TNS3: variants seen among roughly 807,000 people sequenced by gnomAD.
The protein encoded by TNS3 is tensin-3.
In TNS3, 45 loss-of-function variants were observed where a neutral mutation model predicts 140.9. That is an observed-to-expected ratio of 0.32 (90% CI 0.25 to 0.41). The LOEUF is 0.41. Ranked by LOEUF, TNS3 falls within the 10% of genes least tolerant of loss-of-function variation. The pLI is 1.00. For synonymous variants in TNS3, 815 were observed against 788.4 expected (o/e 1.03, Z -0.56); for missense variants, 1,716 against 1,906.7 (o/e 0.90, Z 1.86).
intron 20 of TNS3, among the ~76,000 whole-genome samples, chr7:47,313,754 C>T (rs972437120): frequency 4.6e-5 from 7 of 152,194 alleles, no homozygotes; most frequent in Non-Finnish European, 8.8e-5. Context: ...GGGAATTTCA[C>T]CAAATGAGAA....
intron 1 of TNS3, among the ~76,000 whole-genome samples, chr7:47,537,564 G>T (rs1799648535): frequency 6.6e-6 from 1 of 152,116 alleles, no homozygotes; most frequent in South Asian, 2.1e-4. Context: ...CGCGCTTGGC[G>T]CAGGGTTCAG....
chr7:47,297,022 A>G, intron 24 of TNS3, 60 bp downstream of exon 24: 1 of 1,568,946 alleles, frequency 6.4e-7, no homozygotes, highest in Non-Finnish European at 8.6e-7. Context: ...GCCTAAAAAT[A>G]AACCAACAGA....
intron 1 of TNS3, among the ~76,000 whole-genome samples, chr7:47,567,942 G>A (rs1468104894): frequency 6.6e-6 from 1 of 151,998 alleles, no homozygotes; most frequent in Non-Finnish European, 1.5e-5. Context: ...TCTGCCAGTC[G>A]CCCCCTAAAA....
chr7:47,562,065 G>A (rs1254675962), intron 1 of TNS3, among the ~76,000 whole-genome samples: 2 of 152,256 alleles, frequency 1.3e-5, no homozygotes, highest in Non-Finnish European at 1.5e-5. Context: ...AAGGTGGCAA[G>A]TAATTGAAGC....
intron 7 of TNS3, among the ~76,000 whole-genome samples, chr7:47,436,018 G>T (rs1478067208): frequency 6.6e-6 from 1 of 152,194 alleles, no homozygotes; most frequent in Non-Finnish European, 1.5e-5. Flanking sequence ...CCACACGGGG[G>T]TGTTGCTTTT....
chr7:47,322,979 C>G (rs1459881959), intron 20 of TNS3, among the ~76,000 whole-genome samples: 1 of 152,142 alleles, frequency 6.6e-6, no homozygotes, highest in Non-Finnish European at 1.5e-5. Context: ...CATAGGAGGC[C>G]AGCAGGGAGG....
At chr7:47,552,209 A>G (rs1220957005) in intron 1 of TNS3, among the ~76,000 whole-genome samples, 1 of 152,170 alleles carries the variant, frequency 6.6e-6, no homozygotes, top group Non-Finnish European at 1.5e-5. Context: ...ATGCTTAGGG[A>G]TGCGTTAACA....
At chr7:47,455,273 C>T (rs1484702622) in intron 4 of TNS3, among the ~76,000 whole-genome samples, 1 of 152,146 alleles carries the variant, frequency 6.6e-6, no homozygotes, top group African/African-American at 2.4e-5. Context: ...GCCTGGCCAA[C>T]TCTGATGGGC....
intron 4 of TNS3, chr7:47,453,083 G>A (rs1025288742): frequency 2.0e-6 from 2 of 985,598 alleles, no homozygotes; most frequent in South Asian, 4.7e-5. Flanking sequence ...GGAGGCAGCT[G>A]GAATAGCCCA....
chr7:47,555,315 C>T (rs952380568), intron 1 of TNS3, among the ~76,000 whole-genome samples: 1 of 151,304 alleles, frequency 6.6e-6, no homozygotes, highest in African/African-American at 2.4e-5. Context: ...GCAGGAGAAT[C>T]GCTTCAACCC....
At chr7:47,467,905 T>C (rs926870125) in intron 4 of TNS3, among the ~76,000 whole-genome samples, 3 of 152,172 alleles carry the variant, frequency 2.0e-5, no homozygotes, top group East Asian at 1.9e-4. Context: ...TGTTGTTGTG[T>C]GTGGTTTTCT....
intron 28 of TNS3, among the ~76,000 whole-genome samples, chr7:47,281,412 T>C (rs766223787): frequency 1.2e-4 from 18 of 152,174 alleles, no homozygotes; most frequent in African/African-American, 4.1e-4. Flanking sequence ...GGCTTTGGGG[T>C]CACCCCTCTC....
chr7:47,508,344 T>C (rs1015675365), intron 2 of TNS3, among the ~76,000 whole-genome samples: 17 of 152,202 alleles, frequency 1.1e-4, no homozygotes, highest in Non-Finnish European at 1.5e-5. Flanking sequence ...CACAAAGACA[T>C]GTATTTATCC....
intron 1 of TNS3, among the ~76,000 whole-genome samples, chr7:47,553,169 C>A (rs1240698233): frequency 6.6e-6 from 1 of 152,212 alleles, no homozygotes; most frequent in Non-Finnish European, 1.5e-5. Context: ...AAGCCGTCTC[C>A]ATAACATAGC....
intron 4 of TNS3, chr7:47,453,227 A>G: frequency 2.0e-6 from 2 of 985,400 alleles, no homozygotes; most frequent in Non-Finnish European, 2.4e-6. Context: ...GCTGAGGGCC[A>G]GCCTGCCGAG....
chr7:47,581,906 C>G (rs1200342730), intron 1 of TNS3, 145 bp downstream of exon 1: 1 of 150,562 alleles, frequency 6.6e-6, no homozygotes, highest in African/African-American at 2.5e-5. Context: ...CCGCGCTCCC[C>G]GAACTCAGTC....
At chr7:47,425,175 G>A (rs951995306) in intron 9 of TNS3, among the ~76,000 whole-genome samples, 10 of 152,190 alleles carry the variant, frequency 6.6e-5, no homozygotes, top group Admixed American at 1.3e-4. Flanking sequence ...AAATTACCGC[G>A]GCATGATGGT....
chr7:47,297,811 G>A (rs1477835722), intron 23 of TNS3, among the ~76,000 whole-genome samples: 1 of 133,098 alleles, frequency 7.5e-6, no homozygotes, highest in African/African-American at 2.9e-5. Context: ...TTTTTGAGAT[G>A]GAGTCTCGCT....
chr7:47,377,272 C>T lies in TNS3; in HGVS notation c.1025-7651G>A, dbSNP rs149731546. On this transcript the variant is annotated intron_variant, in intron 16 of 30. Coordinates refer to ENST00000311160, the MANE Select transcript of TNS3 (RefSeq NM_022748.12). The stretch of plus-strand genomic sequence containing the variant: ...GAAAATGCTGAAGACAGAGAGGCTT[C>T]GGTTTCAAAAACGAGTGCTCATCTG... 7.4e-3 allele frequency among the ~76,000 whole-genome samples: 1,130 copies of T among 152,296 alleles called. 15 individuals are homozygous for T. Among genetic ancestry groups the T allele is most frequent in the African/African-American group, 0.024 (999 of 41,560 alleles).
Sources: gnomAD v4.1 joint callset for allele counts (sites outside exome capture counted in the v4.1 genomes callset) on GRCh38, gnomAD v4.1.1 for gene constraint, MANE v1.5 for transcripts, NCBI Gene and HGNC (gene_info 2026-07-23, HGNC 2026-07-21) for gene names.